COPZ1: variants seen among roughly 807,000 people sequenced by gnomAD.
The protein encoded by COPZ1 is coat protein complex I subunit zeta 1, also known as coatomer subunit zeta-1.
A neutral mutation model predicts 31.7 loss-of-function variants in COPZ1; 4 were observed. The observed-to-expected ratio is 0.13, with a 90% CI of 0.06 to 0.29. The LOEUF is 0.29. Ranked by LOEUF, COPZ1 falls within the 10% of genes least tolerant of loss-of-function variation. The pLI is 1.00. For missense variants in COPZ1, 156 were observed against 211.5 expected, an observed-to-expected ratio of 0.74 and a Z score of 1.63; for synonymous variants, 74 against 79.0, an observed-to-expected ratio of 0.94 and a Z score of 0.33.
At chr12:54,329,839 AAT>A (rs1240345907) in intron 1 of COPZ1, among the ~76,000 whole-genome samples, 1 of 152,178 alleles carries the variant, frequency 6.6e-6, no homozygotes, top group Non-Finnish European at 1.5e-5. Flanking sequence ...AACTATGCAG[AAT>A]ATGTCAATGA....
chr12:54,345,544 C>T (rs542783389), intron 5 of COPZ1, 29 bp downstream of exon 5: 82 of 1,566,504 alleles, frequency 5.2e-5, no homozygotes, highest in Non-Finnish European at 7.1e-5. Flanking sequence ...TTTTTCCCCT[C>T]AAGTTATGAT....
intron 1 of COPZ1, chr12:54,337,444 T>A (rs1208893116): frequency 2.9e-6 from 1 of 350,648 alleles, no homozygotes; most frequent in East Asian, 8.0e-5. Context: ...TAGTCCATTG[T>A]CCTGGAAGCC....
intron 1 of COPZ1, among the ~76,000 whole-genome samples, chr12:54,333,693 G>T (rs956228049): frequency 1.3e-5 from 2 of 152,062 alleles, no homozygotes; most frequent in Non-Finnish European, 2.9e-5. Flanking sequence ...ATGGATTGTA[G>T]GAGTTTAGAG....
At chr12:54,340,050 G>A (rs1953947052) in intron 1 of COPZ1, among the ~76,000 whole-genome samples, 2 of 151,748 alleles carry the variant, frequency 1.3e-5, no homozygotes, top group Non-Finnish European at 2.9e-5. Flanking sequence ...CTTAGTGTGT[G>A]GGTGGTTTAG....
At chr12:54,350,208 T>C (rs774615812) in intron 8 of COPZ1, 1 of 698,582 alleles carries the variant, frequency 1.4e-6, no homozygotes, top group South Asian at 1.5e-5. Flanking sequence ...TTTTAACATA[T>C]GTCCAGTAAC....
intron 1 of COPZ1, among the ~76,000 whole-genome samples, chr12:54,337,038 AAAAAAAG>A (rs1953882828): frequency 6.6e-6 from 1 of 150,996 alleles, no homozygotes; most frequent in Non-Finnish European, 1.5e-5. Flanking sequence ...AAAAAAAAAA[AAAAAAAG>A]AAGCCCCTGA....
Position 54,351,121 on chromosome 12 carries a change from AG to A in COPZ1, c.*599del, listed in dbSNP as rs141120390. On this transcript the variant is annotated 3_prime_UTR_variant, in exon 9 of 9. Coordinates refer to ENST00000262061, the MANE Select transcript of COPZ1 (RefSeq NM_016057.3). ...GTTCATAGGGAAGGGACAACATGGA[AG>A]AAACAGCGATTTAAATTGTATTGAA... 0.14 allele frequency: 22,443 copies of A among 157,248 alleles called. 1,777 individuals carry two copies. The highest frequency in any genetic ancestry group is 0.22 in the East Asian group (1,180 of 5,358). The allele number at this position is 157,248 out of a possible 1,614,324, so 9.7% of individuals were successfully genotyped here.
intron 5 of COPZ1, among the ~76,000 whole-genome samples, chr12:54,347,027 C>T (rs933405510): frequency 5.3e-5 from 8 of 152,206 alleles, no homozygotes; most frequent in African/African-American, 1.9e-4. Context: ...CCCCCAGCAG[C>T]TCCCAAGTGA....
intron 5 of COPZ1, among the ~76,000 whole-genome samples, chr12:54,345,947 ACT>A (rs1422291817): frequency 6.9e-6 from 1 of 144,156 alleles, no homozygotes; most frequent in Non-Finnish European, 1.5e-5. Flanking sequence ...ACAGAGTGAG[ACT>A]CTGTCTCAAA....
chr12:54,337,178 C>T (rs1393439944), intron 1 of COPZ1: 2 of 532,970 alleles, frequency 3.8e-6, no homozygotes, highest in African/African-American at 3.9e-5. Flanking sequence ...TCTAAGTCAC[C>T]CAATCTCCCA....
intron 1 of COPZ1, among the ~76,000 whole-genome samples, chr12:54,334,502 A>T (rs1047727900): frequency 6.6e-6 from 1 of 152,140 alleles, no homozygotes; most frequent in African/African-American, 2.4e-5. Flanking sequence ...TCTGAAGTCT[A>T]TCGGATTGTG....
At position 54,351,234 on chromosome 12, in the gene COPZ1, C is replaced by T. The variant is rs1451513326; in HGVS notation, c.*711C>T. On this transcript the variant is annotated 3_prime_UTR_variant, in exon 9 of 9. Transcript: ENST00000262061. ...GAGTGTCCATCTCTTAGTTAGCTAC[C>T]TTAACTGTCCACCCTTACTACCTGT... The T allele has an allele frequency of 6.6e-6, 1 of 152,454 alleles. No homozygotes were observed. Among genetic ancestry groups the T allele is most frequent in the African/African-American group, 2.4e-5 (1 of 41,444 alleles). 9.4% of individuals were successfully genotyped at this position (152,454 alleles called of 1,614,324 possible).
chr12:54,331,612 A>G lies in COPZ1; in HGVS notation c.18+6431A>G, dbSNP rs139102033. ...ACTAAAACCAGAGGAGAATAGAGCA[A>G]TTCTGCCTCGGGGTTGATTTGGGGG... On this transcript the variant is annotated intron_variant, in intron 1 of 8. Transcript: ENST00000262061. 5.9e-5 allele frequency among the ~76,000 whole-genome samples: 9 copies of G among 152,250 alleles called. No individual in the cohort carries two copies. The East Asian group carries it at 1.5e-3, about 26-fold the overall frequency.
At chr12:54,349,483 G>GAA in intron 7 of COPZ1, 137 bp from the exon 8 acceptor site, 1 of 769,488 alleles carries the variant, frequency 1.3e-6, no homozygotes, top group South Asian at 1.4e-5. Flanking sequence ...CTAGTCCCTA[G>GAA]AAGGGACTGA....
intron 1 of COPZ1, among the ~76,000 whole-genome samples, chr12:54,328,461 G>A (rs1184394896): frequency 6.6e-6 from 1 of 151,852 alleles, no homozygotes; most frequent in East Asian, 1.9e-4. Context: ...AGCTACTCAG[G>A]AAGCTGAGGC....
intron 3 of COPZ1, 83 bp downstream of exon 3, chr12:54,342,370 A>G (rs1592206821): frequency 5.1e-6 from 5 of 987,012 alleles, no homozygotes; most frequent in East Asian, 2.4e-5. Context: ...CAGAGAAAGG[A>G]TGAAATGACT....
intron 1 of COPZ1, 124 bp from the exon 2 acceptor site, chr12:54,340,423 G>A: frequency 6.8e-7 from 1 of 1,465,576 alleles, no homozygotes; most frequent in Non-Finnish European, 9.1e-7. Context: ...ACCAAGTTGA[G>A]GTAAGGGACT....
intron 5 of COPZ1, among the ~76,000 whole-genome samples, chr12:54,346,902 T>G (rs969522628): frequency 2.6e-5 from 4 of 152,070 alleles, no homozygotes; most frequent in African/African-American, 9.7e-5. Flanking sequence ...CCATTTACCC[T>G]CTCCTCCCTT....
chr12:54,334,815 C>T (rs1027533709), intron 1 of COPZ1, among the ~76,000 whole-genome samples: 7 of 152,064 alleles, frequency 4.6e-5, no homozygotes, highest in Non-Finnish European at 1.5e-5. Context: ...CGAGATCAGA[C>T]CACTGCACTT....
Sources: allele counts gnomAD v4.1 joint callset (sites outside exome capture counted in the v4.1 genomes callset), GRCh38; gene constraint gnomAD v4.1.1; transcripts MANE v1.5; gene names NCBI Gene and HGNC (gene_info 2026-07-23, HGNC 2026-07-21).